Variants in ADAM12 observed in about 807,000 individuals in gnomAD.
ADAM12 encodes disintegrin and metalloproteinase domain-containing protein 12.
ADAM12 carries 70 observed loss-of-function variants against 106.4 expected under a neutral mutation model. The ratio of observed to expected loss-of-function variants is 0.66; its 90% CI spans 0.54 to 0.80. ADAM12 has a LOEUF of 0.80. Ranked by LOEUF, ADAM12 falls within the 30% of genes least tolerant of loss-of-function variation. ADAM12 has a pLI of 0.00. For synonymous variants in ADAM12, 420 were observed against 433.5 expected (o/e 0.97, Z 0.39); for missense variants, 1,010 against 1,171.9 (o/e 0.86, Z 2.02).
chr10:126,232,069 T>A (rs971905279), intron 3 of ADAM12, among the ~76,000 whole-genome samples: 2 of 152,146 alleles, frequency 1.3e-5, no homozygotes, highest in African/African-American at 4.8e-5. Context: ...GGCTGAATAC[T>A]GGCCTCCCCA....
chr10:126,283,629 C>T (rs1320489244), intron 2 of ADAM12, among the ~76,000 whole-genome samples: 1 of 152,150 alleles, frequency 6.6e-6, no homozygotes, highest in Admixed American at 6.5e-5. Flanking sequence ...CTCATGTTTT[C>T]TGACCATTTC....
chr10:126,084,325 G>A (rs1050875469), intron 11 of ADAM12, among the ~76,000 whole-genome samples: 4 of 152,136 alleles, frequency 2.6e-5, no homozygotes, highest in African/African-American at 4.8e-5. Context: ...AGGGGCGGGG[G>A]ACACAGTGTC....
At chr10:126,236,039 G>T (rs892262157) in intron 3 of ADAM12, among the ~76,000 whole-genome samples, 1 of 152,108 alleles carries the variant, frequency 6.6e-6, no homozygotes, top group Admixed American at 6.5e-5. Flanking sequence ...TTGGGCAGGC[G>T]CTGAGGCTCT....
chr10:126,069,782 C>T lies in ADAM12; in HGVS notation c.1323+1695G>A, dbSNP rs576612354. On this transcript the variant is annotated intron_variant, in intron 12 of 22. Coordinates refer to ENST00000448723, the MANE Select transcript of ADAM12 (RefSeq NM_001288973.2). ...GTGAGGGCTGTAGTGATGACGGTGG[C>T]GGCAGTGGCAGTGATATGGTGATGA... Among the ~76,000 whole-genome samples, 7 of 151,774 alleles carry T rather than the reference C, an allele frequency of 4.6e-5. No homozygotes were observed. The East Asian group carries it at 5.8e-4, about 13-fold the overall frequency.
intron 3 of ADAM12, among the ~76,000 whole-genome samples, chr10:126,168,709 C>T (rs1260093484): frequency 6.6e-6 from 1 of 152,172 alleles, no homozygotes; most frequent in Non-Finnish European, 1.5e-5. Context: ...TGTCACTTCT[C>T]CACTTAAAAC....
At chr10:126,140,814 TCA>T (rs1341082039) in intron 4 of ADAM12, among the ~76,000 whole-genome samples, 1 of 152,240 alleles carries the variant, frequency 6.6e-6, no homozygotes, top group East Asian at 1.9e-4. Context: ...GACATGGTTG[TCA>T]CACCATGCAT....
intron 1 of ADAM12, among the ~76,000 whole-genome samples, chr10:126,346,555 G>T (rs1053298413): frequency 6.6e-6 from 1 of 152,184 alleles, no homozygotes; most frequent in Non-Finnish European, 1.5e-5. Context: ...GTGCAGAGCT[G>T]AGTTCAATCC....
At chr10:126,208,298 C>G (rs4962517) in intron 3 of ADAM12, among the ~76,000 whole-genome samples, 151,892 of 152,346 alleles carry the variant, frequency 1, 75,721 homozygotes, top group East Asian at 1. Flanking sequence ...TGTGGGCAGA[C>G]GACAGGGATG....
intron 1 of ADAM12, among the ~76,000 whole-genome samples, chr10:126,354,626 A>G (rs1564751525): frequency 6.6e-6 from 1 of 152,200 alleles, no homozygotes; most frequent in South Asian, 2.1e-4. Context: ...TTTTTAAAAA[A>G]ATTAGAGCTT....
In ADAM12 at chr10:126,314,777, C is replaced by T. The variant is rs145054217; in HGVS notation, c.186+15635G>A. ...TAATCTGAAAACTCCTCAACCCAAC[C>T]CCAAATCTAGCTGGAATAGGTACTT... On this transcript the variant is annotated intron_variant, in intron 2 of 22. Coordinates refer to ENST00000448723, the MANE Select transcript of ADAM12 (RefSeq NM_001288973.2). Among the ~76,000 whole-genome samples the T allele has an allele frequency of 1.6e-3, 244 of 152,258 alleles. 1 individual carries two copies. The highest frequency in any genetic ancestry group is 5.6e-3 in the African/African-American group (233 of 41,536).
At chr10:126,198,952 C>A (rs950545234) in intron 3 of ADAM12, among the ~76,000 whole-genome samples, 12 of 152,096 alleles carry the variant, frequency 7.9e-5, no homozygotes, top group Non-Finnish European at 1.5e-4. Flanking sequence ...CATTTTATTA[C>A]CACTATCTGA....
At chr10:126,203,284 A>G (rs1411695698) in intron 3 of ADAM12, among the ~76,000 whole-genome samples, 1 of 38,028 alleles carries the variant, frequency 2.6e-5, no homozygotes, top group Admixed American at 3.5e-4. Flanking sequence ...CATGCATATT[A>G]ATATGTCTAT....
chr10:126,367,500 C>A (rs532412640), intron 1 of ADAM12, among the ~76,000 whole-genome samples: 2 of 151,480 alleles, frequency 1.3e-5, no homozygotes, highest in Non-Finnish European at 3.0e-5. Flanking sequence ...TAAGGATCAA[C>A]CAAAAGCAGC....
chr10:126,160,249 G>A (rs1956908423), intron 3 of ADAM12, among the ~76,000 whole-genome samples: 2 of 152,282 alleles, frequency 1.3e-5, no homozygotes, highest in African/African-American at 4.8e-5. Context: ...AATGGTAACT[G>A]GGAGGTAATA....
intron 1 of ADAM12, among the ~76,000 whole-genome samples, chr10:126,384,062 G>A (rs1856575296): frequency 6.6e-6 from 1 of 152,164 alleles, no homozygotes; most frequent in South Asian, 2.1e-4. Context: ...TGCCTGGAAT[G>A]CAGATATGAT....
At position 126,249,317 on chromosome 10, in the gene ADAM12, A is replaced by G. The variant is rs571216112; in HGVS notation, c.260+29598T>C. On this transcript the variant is annotated intron_variant, in intron 3 of 22. Transcript: ENST00000448723. ...ACTACCTCTAGACCACAAAGAGGGC[A>G]GTCTAGGTGGGGGTTGGTGGTGATG... 9.2e-5 allele frequency among the ~76,000 whole-genome samples: 14 copies of G among 152,316 alleles called. 1 individual carries two copies. The South Asian group carries it at 2.9e-3, about 32-fold the overall frequency.
At chr10:126,329,735 T>C (rs1475991806) in intron 2 of ADAM12, among the ~76,000 whole-genome samples, 1 of 152,188 alleles carries the variant, frequency 6.6e-6, no homozygotes, top group Admixed American at 6.5e-5. Flanking sequence ...TCAAAAAATC[T>C]GCTATTATGA....
chr10:126,188,264 C>A (rs139228764), intron 3 of ADAM12, among the ~76,000 whole-genome samples: 32 of 152,330 alleles, frequency 2.1e-4, no homozygotes, highest in African/African-American at 7.7e-4. Context: ...CAACTCAAAG[C>A]AAAGCCCCTG....
chr10:126,037,393 C>T (rs1477548217), intron 20 of ADAM12, among the ~76,000 whole-genome samples: 2 of 151,502 alleles, frequency 1.3e-5, no homozygotes, highest in Non-Finnish European at 2.9e-5. Flanking sequence ...CCTTTGGGGA[C>T]GAGCAGGGGT....
Sources: gnomAD v4.1 joint callset for allele counts (sites outside exome capture counted in the v4.1 genomes callset) on GRCh38, gnomAD v4.1.1 for gene constraint, MANE v1.5 for transcripts, NCBI Gene and HGNC (gene_info 2026-07-23, HGNC 2026-07-21) for gene names.